ARID1B: variants seen among roughly 807,000 people sequenced by gnomAD.
ARID1B encodes AT-rich interactive domain-containing protein 1B.
A neutral mutation model predicts 212.3 loss-of-function variants in ARID1B; 30 were observed. The ratio of observed to expected loss-of-function variants is 0.14; its 90% confidence interval spans 0.11 to 0.19. The LOEUF (loss-of-function observed/expected upper bound fraction) is 0.19. Among genes scored for constraint, ARID1B ranks in the 10% least tolerant of loss-of-function variants. The pLI, the probability that ARID1B is intolerant of heterozygous loss-of-function variation, is 1.00. For synonymous variants in ARID1B, 1,402 were observed against 1,301.7 expected, an observed-to-expected ratio of 1.08 and a Z score of -1.66; for missense variants, 2,891 against 3,204.0, an observed-to-expected ratio of 0.90 and a Z score of 2.36.
intron 6 of ARID1B, among the ~76,000 whole-genome samples, chr6:157,127,783 CAA>C (rs61172896): frequency 2.6e-3 from 147 of 56,782 alleles, no homozygotes; most frequent in African/African-American, 8.7e-3. Flanking sequence ...GACTCTGTCT[CAA>C]AAAAAAAAAA....
chr6:157,117,809 C>CTGTT (rs1491345611), intron 6 of ARID1B, among the ~76,000 whole-genome samples: 2 of 152,212 alleles, frequency 1.3e-5, no homozygotes, highest in East Asian at 3.8e-4. Flanking sequence ...TCTGAACTCA[C>CTGTT]TGTTAGTATT....
In ARID1B at chr6:157,003,509, T is replaced by C. The variant is rs570985664; in HGVS notation, c.2247+67933T>C. Among the ~76,000 whole-genome samples the C allele has an allele frequency of 1.3e-4, 20 of 152,294 alleles. No individual in the cohort carries two copies. The East Asian group carries it at 3.9e-3, about 29-fold the overall frequency. ...GCAAGAAGATCCACAGGCCTTGTAA[T>C]GTATGGCTGTAAAGGCAAGGGAGTC... On this transcript the variant is annotated intron_variant, in intron 4 of 19. Transcript: ENST00000636930.
intron 4 of ARID1B, among the ~76,000 whole-genome samples, chr6:157,003,935 G>C (rs1015158046): frequency 6.6e-6 from 1 of 151,870 alleles, no homozygotes; most frequent in African/African-American, 2.4e-5. Flanking sequence ...AGGAGTTCAA[G>C]ACCAGCCTGG....
chr6:156,987,195 G>C (rs900816928), intron 4 of ARID1B, among the ~76,000 whole-genome samples: 1 of 148,418 alleles, frequency 6.7e-6, no homozygotes, highest in African/African-American at 2.5e-5. Context: ...GAGAGAGAGA[G>C]AGACCCTGTC....
At chr6:157,067,984 T>G (rs749014150) in intron 4 of ARID1B, among the ~76,000 whole-genome samples, 2 of 152,234 alleles carry the variant, frequency 1.3e-5, no homozygotes, top group Non-Finnish European at 2.9e-5. Context: ...AACTCCTAAC[T>G]TTATAAAATA....
intron 4 of ARID1B, among the ~76,000 whole-genome samples, chr6:156,947,083 G>C (rs1463862623): frequency 6.6e-6 from 1 of 152,160 alleles, no homozygotes; most frequent in Admixed American, 6.5e-5. Context: ...TCATCCCAGA[G>C]TGTCTCTAAC....
intron 4 of ARID1B, among the ~76,000 whole-genome samples, chr6:156,992,222 G>C (rs927694108): frequency 1.3e-5 from 2 of 152,162 alleles, no homozygotes; most frequent in African/African-American, 2.4e-5. Context: ...ATATTAACTA[G>C]TTGTAGATAC....
intron 4 of ARID1B, among the ~76,000 whole-genome samples, chr6:157,063,353 T>C (rs1302519165): frequency 6.6e-6 from 1 of 152,098 alleles, no homozygotes; most frequent in East Asian, 1.9e-4. Flanking sequence ...AGGCAGGTGC[T>C]CTCATGCCCC....
At chr6:157,146,592 C>T (rs988854521) in intron 7 of ARID1B, among the ~76,000 whole-genome samples, 2 of 152,198 alleles carry the variant, frequency 1.3e-5, no homozygotes, top group Non-Finnish European at 2.9e-5. Context: ...TTCTTGTTTT[C>T]ACCCTTGCTG....
At chr6:156,785,554 G>A (rs141047432) in intron 1 of ARID1B, among the ~76,000 whole-genome samples, 115 of 151,934 alleles carry the variant, frequency 7.6e-4, no homozygotes, top group African/African-American at 2.5e-3. Context: ...TAAGCTATAC[G>A]TACATAACAT....
intron 3 of ARID1B, among the ~76,000 whole-genome samples, chr6:156,908,889 T>A (rs1789625405): frequency 6.6e-6 from 1 of 152,144 alleles, no homozygotes; most frequent in Admixed American, 6.5e-5. Context: ...TTTGTGAAAG[T>A]TTTATTACAA....
At chr6:157,095,155 G>A (rs1422120473) in intron 5 of ARID1B, among the ~76,000 whole-genome samples, 1 of 152,162 alleles carries the variant, frequency 6.6e-6, no homozygotes, top group African/African-American at 2.4e-5. Flanking sequence ...GTTGTGGGGT[G>A]GAGCCCGAGA....
chr6:157,159,143 A>G (rs953566317), intron 8 of ARID1B, among the ~76,000 whole-genome samples: 2 of 152,242 alleles, frequency 1.3e-5, no homozygotes, highest in Non-Finnish European at 2.9e-5. Context: ...GGGGATCAGC[A>G]GGGAAAAGCT....
intron 4 of ARID1B, among the ~76,000 whole-genome samples, chr6:157,039,678 C>CTTCT (rs1562569214): frequency 4.4e-4 from 38 of 85,910 alleles, no homozygotes; most frequent in East Asian, 3.4e-3. Flanking sequence ...TCCTTCCTTC[C>CTTCT]TTCCTTCCTT....
Position 156,778,871 on chromosome 6 carries a change from CGGAGGAGGA to C in ARID1B, c.1197_1205del (p.Gly400_Gly402del). 1.5e-6 allele frequency: 2 copies of C among 1,340,178 alleles called. No individual in the cohort carries two copies. The highest frequency in any genetic ancestry group is 1.9e-6 in the Non-Finnish European group (2 of 1,036,560). 83.0% of individuals were successfully genotyped at this position (1,340,178 alleles called of 1,614,324 possible). A position where few individuals can be genotyped will look rare whatever the true frequency, so the allele number is the denominator to read the frequency against. On this transcript the variant is annotated inframe_deletion, in exon 1 of 20. Transcript: ENST00000636930. ...CGGGCGGCGGCGGCGGCGGCGGCGG[CGGAGGAGGA>C]GGAGGCAGCGGAGGAGGAGGAGGAG... is the stretch of plus-strand genomic sequence containing the variant.
At chr6:156,826,713 G>A (rs1782765383) in intron 1 of ARID1B, among the ~76,000 whole-genome samples, 1 of 152,122 alleles carries the variant, frequency 6.6e-6, no homozygotes. Context: ...CAGCGAGACT[G>A]TCCTTGCCGA....
intron 5 of ARID1B, among the ~76,000 whole-genome samples, chr6:157,088,546 C>A (rs142313475): frequency 6.6e-6 from 1 of 152,260 alleles, no homozygotes; most frequent in African/African-American, 2.4e-5. Flanking sequence ...TATCCTTATT[C>A]TCTGAGAAGT....
rs1785499615 is a variant in ARID1B, at chr6:157,094,712, G to A, written c.2491+9807G>A. Among the ~76,000 whole-genome samples the A allele has an allele frequency of 6.6e-6, 1 of 152,154 alleles. No homozygotes were observed. Among genetic ancestry groups the A allele is most frequent in the Non-Finnish European group, 1.5e-5 (1 of 68,036 alleles). On this transcript the variant is annotated intron_variant, in intron 5 of 19. Coordinates refer to ENST00000636930, the MANE Select transcript of ARID1B (RefSeq NM_001374828.1). The surrounding 1 kb of genome is among the most constrained non-coding windows in gnomAD (Gnocchi z 4.3). ...TGGAAGGTTGGGAAGGCAGGAAATAGCATAATCCTGTTTAGGTTTTAGGAG... is the reference window on the plus strand; with the variant it reads ...TGGAAGGTTGGGAAGGCAGGAAATAACATAATCCTGTTTAGGTTTTAGGAG...
intron 4 of ARID1B, among the ~76,000 whole-genome samples, chr6:156,951,733 G>A (rs899136046): frequency 2.6e-5 from 4 of 152,032 alleles, no homozygotes; most frequent in South Asian, 4.1e-4. Flanking sequence ...GTGAGCCACC[G>A]CACCTGGCCA....
Sources: allele counts gnomAD v4.1 joint callset (sites outside exome capture counted in the v4.1 genomes callset), GRCh38; gene constraint gnomAD v4.1.1; non-coding constraint Gnocchi (gnomAD v3.1); transcripts MANE v1.5; gene names NCBI Gene and HGNC (gene_info 2026-07-23, HGNC 2026-07-21).